The following DYNC1H1 variants were observed in gnomAD, a reference collection of about 807,000 sequenced individuals.
DYNC1H1 encodes dynein cytoplasmic 1 heavy chain 1.
Under a neutral mutation model 527.1 loss-of-function variants are expected in DYNC1H1, and 51 were observed. The observed-to-expected ratio is 0.10, with a 90% confidence interval of 0.08 to 0.12. DYNC1H1 has a LOEUF of 0.12. Among genes scored for constraint, DYNC1H1 ranks in the 10% least tolerant of loss-of-function variants. The pLI is 1.00. For synonymous variants in DYNC1H1, 2,189 were observed against 2,278.8 expected (o/e 0.96, Z 1.12); for missense variants, 2,771 against 5,971.8 (o/e 0.46, Z 17.66).
rs886050370 is a variant in DYNC1H1 at position 102,027,210 on chromosome 14, T to A, written c.8808T>A (p.Ile2936=). The A allele has an allele frequency of 6.2e-7, 1 of 1,614,074 alleles. No homozygotes were observed. The highest frequency in any genetic ancestry group is 8.5e-7 in the Non-Finnish European group (1 of 1,179,984). ...FRQPQGHLLL[I]GVSGAGKTTL... Reference sequence around the variant, plus strand: ...AACCTCAAGGCCACTTGCTTCTGATTGGTGTTAGTGGAGCAGGAAAAACTA... The same window carrying A: ...AACCTCAAGGCCACTTGCTTCTGATAGGTGTTAGTGGAGCAGGAAAAACTA... Residue 2936 remains isoleucine, a synonymous_variant, in exon 45 of 78, where the codon ATT becomes ATA. Transcript: ENST00000360184. This position sits in a 1 kb window ranked among gnomAD's most constrained non-coding sequence, Gnocchi z 7.7.
At position 102,002,251 on chromosome 14, in the gene DYNC1H1, C is replaced by T. The variant is rs1343287435; in HGVS notation, c.4543-286C>T. ...TCAGCCTCCCAAGTAGCTGGGATTACAGCTACCTGCCACCATGCCTGGCTA... is the reference window on the plus strand; with the variant it reads ...TCAGCCTCCCAAGTAGCTGGGATTATAGCTACCTGCCACCATGCCTGGCTA... On this transcript the variant is annotated intron_variant, in intron 21 of 77. Transcript: ENST00000360184. This position sits in a 1 kb window ranked among gnomAD's most constrained non-coding sequence, Gnocchi z 4.4. 6.6e-6 allele frequency among the ~76,000 whole-genome samples: 1 copy of T among 152,070 alleles called. No individual in the cohort carries two copies. Among genetic ancestry groups the T allele is most frequent in the Admixed American group, 6.6e-5 (1 of 15,254 alleles).
At chr14:102,050,290 T>C (rs1256722343) in intron 77 of DYNC1H1, 92 bp downstream of exon 77, 2 of 1,612,118 alleles carry the variant, frequency 1.2e-6, no homozygotes, top group Non-Finnish European at 1.7e-6. Flanking sequence ...GGGTTCCACT[T>C]GGAACGGGAA....
At chr14:102,040,525 C>G in intron 63 of DYNC1H1, 73 bp from the exon 64 acceptor site, 1 of 1,612,074 alleles carries the variant, frequency 6.2e-7, no homozygotes. Context: ...TCGCGTCAGA[C>G]TCTCGCTCAG....
At position 102,050,517 on chromosome 14, in the gene DYNC1H1, C is replaced by G. The variant is rs1302206599; in HGVS notation, c.13895C>G (p.Pro4632Arg). The G allele has an allele frequency of 6.2e-7, 1 of 1,614,246 alleles. No individual in the cohort carries two copies. Residue 4632 changes from proline to arginine, a missense_variant, in exon 78 of 78, where the codon CCT (proline) becomes CGT (arginine). Pro to Arg is a moderately radical substitution (Grantham distance 103). Transcript: ENST00000360184. ...VDFEIATKED[P>R]RSFYERGVAV... ...TTCGAAATTGCTACAAAGGAGGATC[C>G]TCGCAGCTTCTACGAGCGGGGTGTC...
Position 102,016,357 on chromosome 14 carries a change from G to A in DYNC1H1, c.7482G>A (p.Leu2494=). Residue 2494 remains leucine (L), a synonymous_variant, in exon 37 of 78, where the codon CTG becomes CTA. Transcript: ENST00000360184. This position sits in a 1 kb window ranked among gnomAD's most constrained non-coding sequence, Gnocchi z 7.3. ...AATTCCCTTTTTAATAGCGATATCTGGTTTATGCCATACTCTGGTCCCTGT... is the reference window on the plus strand; with the variant it reads ...AATTCCCTTTTTAATAGCGATATCTAGTTTATGCCATACTCTGGTCCCTGT... ...EQLERYIQRY[L]VYAILWSLSG... 1 of 1,614,108 alleles carries A rather than the reference G, an allele frequency of 6.2e-7. No homozygotes were observed. Among genetic ancestry groups the A allele is most frequent in the Non-Finnish European group, 8.5e-7 (1 of 1,180,018 alleles).
At position 102,027,467 on chromosome 14, in the gene DYNC1H1, G is replaced by A. The variant is rs1325458825; in HGVS notation, c.8971G>A (p.Ala2991Thr). 3 of 1,614,014 alleles carry A rather than the reference G, an allele frequency of 1.9e-6. No homozygotes were observed. The highest frequency in any genetic ancestry group is 2.5e-6 in the Non-Finnish European group (3 of 1,180,034). The change falls in exon 46 of 78, where the codon GCA (alanine) becomes ACA (threonine). Residue 2991 changes from alanine (A) to threonine (T), a missense_variant. Physicochemically the swap from Ala to Thr is moderately conservative, Grantham distance 58. Transcript: ENST00000360184. The surrounding 1 kb of genome is among the most constrained non-coding windows in gnomAD (Gnocchi z 7.7). ...TTCTGGCTGTAAAAATGAAAAGATA[G>A]CATTTATAATGGATGAATCTAATGT... The part of the protein sequence containing the change: ...RRSGCKNEKI[A>T]FIMDESNVLD...
intron 5 of DYNC1H1, among the ~76,000 whole-genome samples, chr14:101,982,387 A>G (rs1434687696): frequency 5.3e-5 from 8 of 151,994 alleles, no homozygotes; most frequent in Admixed American, 4.6e-4. Context: ...AGGTCAGGAG[A>G]TGGAGACCAT....
chr14:101,994,118 A>C, intron 11 of DYNC1H1, 66 bp from the exon 12 acceptor site: 1 of 1,611,494 alleles, frequency 6.2e-7, no homozygotes. Flanking sequence ...AATTAAGTAA[A>C]AGGTGACACT....
In DYNC1H1 at chr14:102,011,021, A is replaced by G; in HGVS notation, c.6618+69A>G. Reference sequence around the variant, plus strand: ...CTGGCTTTAGTGTCTGGTAATGACAACCGTGGGCCCTTCGATGAAACTGTC... The same window carrying G: ...CTGGCTTTAGTGTCTGGTAATGACAGCCGTGGGCCCTTCGATGAAACTGTC... On this transcript the variant is annotated intron_variant, in intron 32 of 77. Transcript: ENST00000360184. The surrounding 1 kb of genome is among the most constrained non-coding windows in gnomAD (Gnocchi z 5.3). 2.6e-6 allele frequency: 4 copies of G among 1,534,112 alleles called. No homozygotes were observed. The highest frequency in any genetic ancestry group is 3.6e-6 in the Non-Finnish European group (4 of 1,108,176).
At position 102,000,980 on chromosome 14, in the gene DYNC1H1, G is replaced by A; in HGVS notation, c.4101G>A (p.Leu1367=). 1 of 1,614,210 alleles carries A rather than the reference G, an allele frequency of 6.2e-7. No individual in the cohort carries two copies. Among genetic ancestry groups the A allele is most frequent in the Non-Finnish European group, 8.5e-7 (1 of 1,180,048 alleles). ...TTCGACAAAATTTGGATGCCCTCCT[G>A]AACCAGCTGAAAAGCTTCCCTGCCC... ...RKLRQNLDAL[L]NQLKSFPARL... is the part of the protein sequence containing the mutation. Residue 1367 remains leucine, a synonymous_variant, in exon 19 of 78, where the codon CTG becomes CTA. Transcript: ENST00000360184.
At position 101,985,789 on chromosome 14, in the gene DYNC1H1, G is replaced by A. The variant is rs1595600778; in HGVS notation, c.1564G>A (p.Glu522Lys). Residue 522 changes from glutamate to lysine, a missense_variant, in exon 8 of 78, where the codon GAA becomes AAA. Glu to Lys is a moderately conservative substitution (Grantham distance 56). Coordinates refer to ENST00000360184, the MANE Select transcript of DYNC1H1 (RefSeq NM_001376.5). This position sits in a 1 kb window ranked among gnomAD's most constrained non-coding sequence, Gnocchi z 5.9. ...TGCTGCAGATGCAAATGCCATTGAG[G>A]AAGTAAACCTTGCTTATGAGAACGT... ...FDAADANAIE[E>K]VNLAYENVKE... 3.7e-6 allele frequency: 6 copies of A among 1,614,180 alleles called. No homozygotes were observed. The highest frequency in any genetic ancestry group is 5.1e-6 in the Non-Finnish European group (6 of 1,180,024).
chr14:102,020,918 G>A lies in DYNC1H1; in HGVS notation c.8507+862G>A, dbSNP rs1047238144. Among the ~76,000 whole-genome samples the A allele has an allele frequency of 6.6e-6, 1 of 152,154 alleles. No individual in the cohort carries two copies. Among genetic ancestry groups the A allele is most frequent in the Non-Finnish European group, 1.5e-5 (1 of 68,030 alleles). ...GTCCTTGGCATTCTTGGGCAACACC[G>A]GGTACATTACTGACAGCCACTGTAA... is the stretch of plus-strand genomic sequence containing the variant. On this transcript the variant is annotated intron_variant, in intron 42 of 77. Coordinates refer to ENST00000360184, the MANE Select transcript of DYNC1H1 (RefSeq NM_001376.5). The surrounding 1 kb of genome is among the most constrained non-coding windows in gnomAD (Gnocchi z 4.3).
At position 102,033,578 on chromosome 14, in the gene DYNC1H1, G is replaced by A. The variant is rs1376678548; in HGVS notation, c.10413+94G>A. 3.3e-6 allele frequency: 5 copies of A among 1,506,050 alleles called. No homozygotes were observed. The South Asian group carries it at 5.9e-5, about 18-fold the overall frequency. 93.3% of individuals were successfully genotyped at this position (1,506,050 alleles called of 1,614,324 possible). A position where few individuals can be genotyped will look rare whatever the true frequency, so the allele number is the denominator to read the frequency against. ...CGCTGCATGCACCATGCTGGCCTCG[G>A]TGAATTCGCTCTTTAACATCTGTAA... On this transcript the variant is annotated intron_variant, in intron 54 of 77. Coordinates refer to ENST00000360184, the MANE Select transcript of DYNC1H1 (RefSeq NM_001376.5). This position sits in a 1 kb window ranked among gnomAD's most constrained non-coding sequence, Gnocchi z 5.6.
chr14:101,967,945 T>C (rs1248377465), intron 1 of DYNC1H1, among the ~76,000 whole-genome samples: 1 of 152,226 alleles, frequency 6.6e-6, no homozygotes, highest in Admixed American at 6.5e-5. Flanking sequence ...TTATAGCTCC[T>C]CATTTTAAAA....
chr14:102,052,419 C>G lies in DYNC1H1; in HGVS notation c.*1856C>G, dbSNP rs2048824136. On this transcript the variant is annotated 3_prime_UTR_variant, in exon 78 of 78. Coordinates refer to ENST00000360184, the MANE Select transcript of DYNC1H1 (RefSeq NM_001376.5). Reference sequence around the variant, plus strand: ...AAATGCTGGGATTACAAGTGTGAGCCACCACACCCAGCCCCTAAAAACATT... The same window carrying G: ...AAATGCTGGGATTACAAGTGTGAGCGACCACACCCAGCCCCTAAAAACATT... 6.6e-6 allele frequency: 1 copy of G among 152,378 alleles called. No homozygotes were observed. Among genetic ancestry groups the G allele is most frequent in the South Asian group, 2.1e-4 (1 of 4,838 alleles). 9.4% of individuals were successfully genotyped at this position (152,378 alleles called of 1,614,324 possible). A position where few individuals can be genotyped will look rare whatever the true frequency, so the allele number is the denominator to read the frequency against.
In DYNC1H1 at chr14:102,044,826, C is replaced by G. The variant is rs938342952; in HGVS notation, c.13006+128C>G. 2.7e-6 allele frequency: 3 copies of G among 1,093,830 alleles called. No homozygotes were observed. The highest frequency in any genetic ancestry group is 4.0e-6 in the Non-Finnish European group (3 of 744,194). The allele number at this position is 1,093,830 out of a possible 1,614,324, so 67.8% of individuals were successfully genotyped here. A position where few individuals can be genotyped will look rare whatever the true frequency, so the allele number is the denominator to read the frequency against. On this transcript the variant is annotated intron_variant, in intron 72 of 77. Transcript: ENST00000360184. This position sits in a 1 kb window ranked among gnomAD's most constrained non-coding sequence, Gnocchi z 7.1. ...TGTCCCAGGGCCCTCCCTGGTTATG[C>G]TGGGTGTGGCTCTGTCAGCCTCGGC...
chr14:102,014,249 T>A (rs189296500), intron 34 of DYNC1H1, among the ~76,000 whole-genome samples: 1 of 152,106 alleles, frequency 6.6e-6, no homozygotes, highest in East Asian at 1.9e-4. Flanking sequence ...AAACTGGAGG[T>A]GAGGCTGGGC....
At chr14:102,043,779 A>C in intron 69 of DYNC1H1, 96 bp from the exon 70 acceptor site, 1 of 1,557,726 alleles carries the variant, frequency 6.4e-7, no homozygotes, top group South Asian at 1.1e-5. Context: ...GGATGTGGAG[A>C]GCTCTTTGTA....
In DYNC1H1 at chr14:102,026,670, T is replaced by C; in HGVS notation, c.8734T>C (p.Phe2912Leu). 1 of 1,614,220 alleles carries C rather than the reference T, an allele frequency of 6.2e-7. No homozygotes were observed. The highest frequency in any genetic ancestry group is 1.3e-5 in the African/African-American group (1 of 75,054). ...EEELDVPLVL[F>L]NEVLDHVLRI... ...AGAACTTGATGTTCCGCTGGTGCTG[T>C]TTAATGAAGTCCTAGACCACGTGCT... The change falls in exon 44 of 78, where the codon TTT becomes CTT. Residue 2912 changes from phenylalanine to leucine, a missense_variant. Physicochemically the swap from Phe to Leu is conservative, Grantham distance 22. This residue lies in a region of DYNC1H1 where 84 missense variants were observed against 285.4 expected (regional missense o/e 0.29). Transcript: ENST00000360184.
Sources: allele counts gnomAD v4.1 joint callset (sites outside exome capture counted in the v4.1 genomes callset), GRCh38; gene constraint gnomAD v4.1.1; regional missense constraint gnomAD v4.1.1; non-coding constraint Gnocchi (gnomAD v3.1); transcripts MANE v1.5; gene names NCBI Gene and HGNC (gene_info 2026-07-23, HGNC 2026-07-21).